MAGI1: variants seen among roughly 807,000 people sequenced by gnomAD.
MAGI1 encodes the protein membrane associated guanylate kinase, WW and PDZ domain containing 1.
MAGI1 carries 58 observed loss-of-function variants against 139.9 expected under a neutral mutation model. That is an observed-to-expected ratio of 0.41 (90% CI 0.34 to 0.52). The LOEUF (loss-of-function observed/expected upper bound fraction) is 0.52. Ranked by LOEUF, MAGI1 falls within the 20% of genes least tolerant of loss-of-function variation. The pLI is 0.12. For synonymous variants in MAGI1, 812 were observed against 737.9 expected, an observed-to-expected ratio of 1.10 and a Z score of -1.63; for missense variants, 1,874 against 1,901.6, an observed-to-expected ratio of 0.99 and a Z score of 0.27.
chr3:65,404,446 C>G (rs1945170265), intron 12 of MAGI1, among the ~76,000 whole-genome samples: 1 of 152,130 alleles, frequency 6.6e-6, no homozygotes, highest in Non-Finnish European at 1.5e-5. Context: ...TTCCTCTTTG[C>G]CGGCTAGTTG....
At chr3:65,866,768 C>T (rs988856466) in intron 1 of MAGI1, among the ~76,000 whole-genome samples, 1 of 151,502 alleles carries the variant, frequency 6.6e-6, no homozygotes, top group Admixed American at 6.6e-5. Context: ...AAGGCACTGC[C>T]ATGTTCATCA....
At chr3:65,634,809 G>A (rs2084511414) in intron 1 of MAGI1, among the ~76,000 whole-genome samples, 1 of 152,156 alleles carries the variant, frequency 6.6e-6, no homozygotes, top group Admixed American at 6.5e-5. Flanking sequence ...TGATGTTACT[G>A]AACGAATGCT....
chr3:65,364,905 C>T lies in MAGI1; in HGVS notation c.3238G>A (p.Ala1080Thr), dbSNP rs867893969. 1 of 1,613,926 alleles carries T rather than the reference C, an allele frequency of 6.2e-7. No homozygotes were observed. Among genetic ancestry groups the T allele is most frequent in the Admixed American group, 1.7e-5 (1 of 59,998 alleles). ...GGGGTGTGTGTGGTGGTGATGGTGGCAATCTTCTCTGCATTGGTCAGCAAG... is the reference window on the plus strand; with the variant it reads ...GGGGTGTGTGTGGTGGTGATGGTGGTAATCTTCTCTGCATTGGTCAGCAAG... ...ATLLTNAEKI[A>T]TITTTHTPSQ... The change falls in exon 19 of 23, where the codon GCC (alanine) becomes ACC (threonine). Residue 1080 changes from alanine to threonine, a missense_variant. Physicochemically the swap from Ala to Thr is moderately conservative, Grantham distance 58. Around this residue, in one of 5 missense-constraint regions of MAGI1, gnomAD observed 653 missense variants for 644.5 expected, o/e 1.01. Transcript: ENST00000402939.
chr3:65,622,857 G>C (rs1017935383), intron 1 of MAGI1, among the ~76,000 whole-genome samples: 2 of 152,116 alleles, frequency 1.3e-5, no homozygotes, highest in Admixed American at 1.3e-4. Context: ...GTGAGCCACT[G>C]CATCTGGCCC....
At chr3:65,946,145 A>G (rs1326296408) in intron 1 of MAGI1, among the ~76,000 whole-genome samples, 3 of 152,214 alleles carry the variant, frequency 2.0e-5, no homozygotes, top group Non-Finnish European at 2.9e-5. Context: ...GTATCTGTCC[A>G]AGTGAGGTCC....
intron 1 of MAGI1, among the ~76,000 whole-genome samples, chr3:65,867,141 G>T (rs2059757044): frequency 6.6e-6 from 1 of 152,286 alleles, no homozygotes; most frequent in African/African-American, 2.4e-5. Context: ...AAGTTTCAAT[G>T]AGTTAATCTA....
chr3:65,467,374 T>C (rs1357620689), intron 5 of MAGI1, among the ~76,000 whole-genome samples: 2 of 152,208 alleles, frequency 1.3e-5, no homozygotes, highest in South Asian at 2.1e-4. Context: ...ATGGAAGATA[T>C]CCTAAAAAGA....
At chr3:65,896,183 C>G (rs2060960281) in intron 1 of MAGI1, among the ~76,000 whole-genome samples, 1 of 152,098 alleles carries the variant, frequency 6.6e-6, no homozygotes. Flanking sequence ...ACTTTAAATT[C>G]AGGCATAAGT....
At chr3:65,907,302 TG>T (rs1230164992) in intron 1 of MAGI1, among the ~76,000 whole-genome samples, 1 of 152,174 alleles carries the variant, frequency 6.6e-6, no homozygotes, top group Non-Finnish European at 1.5e-5. Context: ...ATAACTCTAG[TG>T]GGTGGATGAG....
chr3:65,559,450 A>C (rs1048547777), intron 2 of MAGI1, among the ~76,000 whole-genome samples: 1 of 152,218 alleles, frequency 6.6e-6, no homozygotes, highest in African/African-American at 2.4e-5. Context: ...AATACTAATC[A>C]TAACTTGAAA....
chr3:65,738,791 G>A (rs1258032671), intron 1 of MAGI1, among the ~76,000 whole-genome samples: 1 of 152,146 alleles, frequency 6.6e-6, no homozygotes, highest in Non-Finnish European at 1.5e-5. Flanking sequence ...TGAGGAAGTA[G>A]GTCTCAACAA....
In MAGI1 at chr3:65,930,903, C is replaced by T. The variant is rs150405818; in HGVS notation, c.313+107093G>A. Among the ~76,000 whole-genome samples, 11 of 152,326 alleles carry T rather than the reference C, an allele frequency of 7.2e-5. No homozygotes were observed. In the East Asian group the frequency reaches 2.1e-3, roughly 29 times the overall value. On this transcript the variant is annotated intron_variant, in intron 1 of 22. Coordinates refer to ENST00000402939, the MANE Select transcript of MAGI1 (RefSeq NM_001033057.2). Reference sequence around the variant, plus strand: ...CCTCAGCTCTGGGAATTGCCCGCCCCTTTCCTGGAAAACTCATGAATAATC... The same window carrying T: ...CCTCAGCTCTGGGAATTGCCCGCCCTTTTCCTGGAAAACTCATGAATAATC...
At chr3:65,701,767 A>T (rs902590733) in intron 1 of MAGI1, among the ~76,000 whole-genome samples, 10 of 152,300 alleles carry the variant, frequency 6.6e-5, no homozygotes, top group African/African-American at 2.4e-4. Flanking sequence ...TGATGCTCAG[A>T]ATCACAGCTG....
At chr3:65,795,146 T>G (rs1479009603) in intron 1 of MAGI1, among the ~76,000 whole-genome samples, 1 of 152,360 alleles carries the variant, frequency 6.6e-6, no homozygotes, top group East Asian at 1.9e-4. Context: ...CTCTTGTGCT[T>G]TTAAATGAGA....
At chr3:65,619,896 C>G in intron 2 of MAGI1, 1 of 985,172 alleles carries the variant, frequency 1.0e-6, no homozygotes, top group Non-Finnish European at 1.2e-6. Context: ...TTCCAAATTC[C>G]TGATTTACTG....
intron 1 of MAGI1, among the ~76,000 whole-genome samples, chr3:65,767,310 T>C (rs905692493): frequency 6.6e-6 from 1 of 152,002 alleles, no homozygotes; most frequent in African/African-American, 2.4e-5. Flanking sequence ...GTTTTTTTTT[T>C]AATAAAGACT....
At chr3:65,974,259 C>G (rs552578922) in intron 1 of MAGI1, among the ~76,000 whole-genome samples, 13 of 151,124 alleles carry the variant, frequency 8.6e-5, no homozygotes, top group African/African-American at 2.9e-4. Context: ...ATAGTAGGCC[C>G]TCAAACATTT....
At chr3:65,893,333 C>A (rs1407193769) in intron 1 of MAGI1, among the ~76,000 whole-genome samples, 1 of 145,456 alleles carries the variant, frequency 6.9e-6, no homozygotes, top group Non-Finnish European at 1.5e-5. Flanking sequence ...ATTCATTTTT[C>A]TTTTTTTTTT....
intron 1 of MAGI1, among the ~76,000 whole-genome samples, chr3:65,782,599 A>G (rs2039017966): frequency 7.8e-6 from 1 of 127,752 alleles, no homozygotes; most frequent in African/African-American, 2.9e-5. Flanking sequence ...TTTAAAGTAT[A>G]TGGATTTCTT....
Sources: gnomAD v4.1 joint callset for allele counts (sites outside exome capture counted in the v4.1 genomes callset) on GRCh38, gnomAD v4.1.1 for gene constraint, gnomAD v4.1.1 regional missense constraint, MANE v1.5 for transcripts, NCBI Gene and HGNC (gene_info 2026-07-23, HGNC 2026-07-21) for gene names.